The following CD177 variants were observed in gnomAD, a reference collection of about 807,000 sequenced individuals.
CD177 encodes the protein CD177 antigen.
A neutral mutation model predicts 38.1 loss-of-function variants in CD177; 41 were observed. The observed-to-expected ratio is 1.07, with a 90% confidence interval of 0.84 to 1.39. CD177 has a LOEUF of 1.39. Among genes scored for constraint, CD177 ranks in the 40% most tolerant of loss-of-function variants. The pLI, the probability that CD177 is intolerant of heterozygous loss-of-function variation, is 0.00. For missense variants in CD177, 619 were observed against 523.8 expected (o/e 1.18, Z -1.77); for synonymous variants, 236 against 216.7 (o/e 1.09, Z -0.78).
chr19:43,360,106 C>T (rs541504253), intron 5 of CD177, among the ~76,000 whole-genome samples, 159 bp from the exon 6 acceptor site: 2 of 151,068 alleles, frequency 1.3e-5, no homozygotes, highest in East Asian at 1.9e-4. Flanking sequence ...GGTGGGATTT[C>T]GACTCCCAAG....
Position 43,355,980 on chromosome 19 carries a change from C to T in CD177, c.503-12C>T. On this transcript the variant is annotated splice_polypyrimidine_tract_variant and intron_variant, in intron 4 of 8. Transcript: ENST00000618265. ...AGCATCACTGACTCTCCCTCGCTCC[C>T]CCTTTCTGCAGGAGGCATCTTCTCC... is the stretch of plus-strand genomic sequence containing the variant. 1 of 667,920 alleles carries T rather than the reference C, an allele frequency of 1.5e-6. No individual in the cohort carries two copies. Among genetic ancestry groups the T allele is most frequent in the East Asian group, 2.7e-5 (1 of 36,380 alleles). The allele number at this position is 667,920 out of a possible 1,614,324, so 41.4% of individuals were successfully genotyped here.
At chr19:43,365,285 G>A (rs1482323136), downstream of CD177, among the ~76,000 whole-genome samples, 1 of 139,338 alleles carries the variant, frequency 7.2e-6, no homozygotes, top group Admixed American at 7.3e-5. Context: ...TGTGCAGCCA[G>A]GCCAGTGCTG....
Position 43,361,128 on chromosome 19 carries a change from C to T in CD177, c.761-15C>T. 1 of 1,417,084 alleles carries T rather than the reference C, an allele frequency of 7.1e-7. No individual in the cohort carries two copies. The highest frequency in any genetic ancestry group is 1.0e-6 in the Non-Finnish European group (1 of 1,001,954). The allele number at this position is 1,417,084 out of a possible 1,614,324, so 87.8% of individuals were successfully genotyped here. A position where few individuals can be genotyped will look rare whatever the true frequency, so the allele number is the denominator to read the frequency against. On this transcript the variant is annotated splice_polypyrimidine_tract_variant and intron_variant, in intron 6 of 8. Coordinates refer to ENST00000618265, the MANE Select transcript of CD177 (RefSeq NM_020406.4). Reference sequence around the variant, plus strand: ...GCTGCCCAGTCCCCAGCCCAGCTTTCCCTCTCACCCTCAGGACTCACATCA... The same window carrying T: ...GCTGCCCAGTCCCCAGCCCAGCTTTTCCTCTCACCCTCAGGACTCACATCA...
intron 3 of CD177, chr19:43,354,634 AAG>A: frequency 1.7e-6 from 1 of 595,216 alleles, no homozygotes; most frequent in South Asian, 2.0e-5. Context: ...CTCCTCTTCT[AAG>A]AGCAAACAGG....
intron 3 of CD177, among the ~76,000 whole-genome samples, chr19:43,355,006 A>C: frequency 7.1e-6 from 1 of 140,200 alleles, no homozygotes; most frequent in African/African-American, 2.7e-5. Flanking sequence ...TTCAGACTTG[A>C]CCATGTCTGA....
At chr19:43,360,224 G>A (rs1480212888) in intron 5 of CD177, 41 bp from the exon 6 acceptor site, 1 of 1,604,434 alleles carries the variant, frequency 6.2e-7, no homozygotes, top group East Asian at 2.2e-5. Flanking sequence ...CAGACATGGT[G>A]GGTTCCTGGC....
At chr19:43,354,533 C>G in intron 3 of CD177, 141 bp downstream of exon 3, 1 of 814,730 alleles carries the variant, frequency 1.2e-6, no homozygotes, top group South Asian at 1.6e-5. Context: ...TGACTGCTCC[C>G]TGACCATCGC....
chr19:43,359,856 T>A (rs1368698659), intron 5 of CD177, among the ~76,000 whole-genome samples: 1 of 132,122 alleles, frequency 7.6e-6, no homozygotes, highest in East Asian at 2.3e-4. Context: ...CAGCCCACCC[T>A]GGCCCTTCGC....
chr19:43,364,307 A>G (rs1382475177), downstream of CD177, among the ~76,000 whole-genome samples: 1 of 152,218 alleles, frequency 6.6e-6, no homozygotes, highest in South Asian at 2.1e-4. Context: ...GCTTTCTTCC[A>G]GTACATTCCA....
At chr19:43,356,247 G>A in intron 5 of CD177, 139 bp downstream of exon 5, 3 of 243,522 alleles carry the variant, frequency 1.2e-5, no homozygotes, top group South Asian at 7.6e-5. Flanking sequence ...GTGGCTTTAG[G>A]CAACAGTGAG....
rs761236831 is a variant in CD177 at position 43,360,295 on chromosome 19, T to C, written c.650T>C (p.Ile217Thr). 1.7e-5 allele frequency: 28 copies of C among 1,613,338 alleles called. No individual in the cohort carries two copies. The highest frequency in any genetic ancestry group is 6.7e-5 in the Admixed American group (4 of 59,950). Reference protein sequence around the residue: ...DFLTCHRGTTIMTHGNLAQEP... With the variant: ...DFLTCHRGTTTMTHGNLAQEP... ...CTGACCTGTCATCGGGGGACCACCA[T>C]TATGACACACGGAAACTTGGCTCAA... Residue 217 changes from isoleucine to threonine, a missense_variant, in exon 6 of 9, where the codon ATT (isoleucine) becomes ACT (threonine). By Grantham distance (89) the Ile-to-Thr change is moderately conservative. Transcript: ENST00000618265.
rs1241556486 is a variant in CD177, at chr19:43,360,834, G to T, written c.761-309G>T. Reference sequence around the variant, plus strand: ...TATGGGGAATGGAGATCCCAGCTCTGCAGAGAAATCTGGCAAGGAAAAGGA... The same window carrying T: ...TATGGGGAATGGAGATCCCAGCTCTTCAGAGAAATCTGGCAAGGAAAAGGA... On this transcript the variant is annotated intron_variant, in intron 6 of 8. Coordinates refer to ENST00000618265, the MANE Select transcript of CD177 (RefSeq NM_020406.4). 1.5e-5 allele frequency: 8 copies of T among 528,330 alleles called. No individual in the cohort carries two copies. The East Asian group carries it at 1.8e-4, about 12-fold the overall frequency. 32.7% of individuals were successfully genotyped at this position (528,330 alleles called of 1,614,324 possible).
chr19:43,354,411 G>T lies in CD177; in HGVS notation c.379+19G>T. ...CCAGCAGGTGCCTGCGGGAGGGTCGGGAGGAGAGGGAGGGGCTGCTAGAAG... is the reference window on the plus strand; with the variant it reads ...CCAGCAGGTGCCTGCGGGAGGGTCGTGAGGAGAGGGAGGGGCTGCTAGAAG... On this transcript the variant is annotated intron_variant, in intron 3 of 8. Coordinates refer to ENST00000618265, the MANE Select transcript of CD177 (RefSeq NM_020406.4). 1 of 1,612,756 alleles carries T rather than the reference G, an allele frequency of 6.2e-7. No homozygotes were observed. The highest frequency in any genetic ancestry group is 8.5e-7 in the Non-Finnish European group (1 of 1,179,182).
chr19:43,362,258 TG>T lies in CD177; in HGVS notation c.1258del (p.Val420TrpfsTer30), dbSNP rs1969982447. 3.7e-6 allele frequency: 6 copies of T among 1,608,100 alleles called. No individual in the cohort carries two copies. Among genetic ancestry groups the T allele is most frequent in the South Asian group, 2.2e-5 (2 of 90,942 alleles). On this transcript the variant is annotated frameshift_variant, in exon 9 of 9. Transcript: ENST00000618265. LOFTEE classifies it low-confidence loss of function (END_TRUNC). ...GGAEGLESLTWGVGLALAPAL... is the reference protein window; with the variant it reads ...GGAEGLESLTXGVGLALAPAL... ...GGCTGAGGGCCTGGAGTCTCTCACT[TG>T]GGGGGTGGGGCTGGCACTGGCCCCA...
intron 3 of CD177, chr19:43,354,608 G>T (rs539292995): frequency 3.4e-6 from 2 of 595,200 alleles, no homozygotes; most frequent in Admixed American, 5.9e-5. Context: ...CCTGCCACCC[G>T]GGAATCCCCG....
At chr19:43,353,807 C>A (rs746280393) in intron 1 of CD177, 41 bp downstream of exon 1, 4 of 1,613,852 alleles carry the variant, frequency 2.5e-6, no homozygotes, top group Non-Finnish European at 3.4e-6. Flanking sequence ...CCCTGGAGGC[C>A]GGGCAAGGGA....
At chr19:43,360,227 T>G (rs1390654776) in intron 5 of CD177, 38 bp from the exon 6 acceptor site, 1 of 1,606,070 alleles carries the variant, frequency 6.2e-7, no homozygotes, top group Non-Finnish European at 8.5e-7. Flanking sequence ...ACATGGTGGG[T>G]TCCTGGCTTA....
intron 3 of CD177, among the ~76,000 whole-genome samples, chr19:43,355,045 C>T (rs1261881969): frequency 4.8e-5 from 7 of 144,880 alleles, no homozygotes; most frequent in Non-Finnish European, 1.1e-4. Context: ...CAGGCCCCTC[C>T]TCCACCCTGC....
chr19:43,362,566 C>T lies in CD177; in HGVS notation c.*246C>T, dbSNP rs937572928. 8.2e-6 allele frequency: 3 copies of T among 366,506 alleles called. No individual in the cohort carries two copies. The highest frequency in any genetic ancestry group is 1.5e-5 in the Non-Finnish European group (3 of 204,576). 22.7% of individuals were successfully genotyped at this position (366,506 alleles called of 1,614,324 possible). On this transcript the variant is annotated 3_prime_UTR_variant, in exon 9 of 9. Transcript: ENST00000618265. ...GCTGCATGTATCTGATAATACAGAC[C>T]CTGTCCTTTCTCCCAGTGCTGGGAT...
Sources: gnomAD v4.1 joint callset for allele counts (sites outside exome capture counted in the v4.1 genomes callset) on GRCh38, gnomAD v4.1.1 for gene constraint, MANE v1.5 for transcripts, NCBI Gene and HGNC (gene_info 2026-07-23, HGNC 2026-07-21) for gene names.